FGD3: variants seen among roughly 807,000 people sequenced by gnomAD.
FGD3 encodes the protein FYVE, RhoGEF and PH domain-containing protein 3.
In FGD3, 45 loss-of-function variants were observed where a neutral mutation model predicts 71.8. The ratio of observed to expected loss-of-function variants is 0.63; its 90% CI spans 0.49 to 0.80. FGD3 has a LOEUF of 0.80. FGD3 is among the 30% of genes least tolerant of loss of function. The pLI is 0.00. For missense variants in FGD3, 844 were observed against 951.5 expected (o/e 0.89, Z 1.49); for synonymous variants, 378 against 392.8 (o/e 0.96, Z 0.44).
chr9:93,023,262 G>A (rs1269086027), intron 14 of FGD3, among the ~76,000 whole-genome samples: 1 of 152,142 alleles, frequency 6.6e-6, no homozygotes, highest in Non-Finnish European at 1.5e-5. Flanking sequence ...CTGGCCGCTG[G>A]CTGCCCCCTC....
intron 6 of FGD3, among the ~76,000 whole-genome samples, chr9:93,009,031 G>T (rs1427080720): frequency 6.6e-6 from 1 of 151,670 alleles, no homozygotes; most frequent in Non-Finnish European, 1.5e-5. Flanking sequence ...TTGGGAGACC[G>T]AGGTAGGCAG....
rs1182543561 is a variant in FGD3, at chr9:92,947,610, C to G, written c.-337C>G. ...GCCTCCTGCTGCCCACTGTGAGCGA[C>G]CTCCCCGGGGCTCCTCTGGAAGCGG... On this transcript the variant is annotated 5_prime_UTR_variant, in exon 1 of 18. Transcript: ENST00000375482. The G allele has an allele frequency of 6.6e-6, 1 of 152,520 alleles. No homozygotes were observed. Among genetic ancestry groups the G allele is most frequent in the Non-Finnish European group, 1.5e-5 (1 of 68,290 alleles). 9.4% of individuals were successfully genotyped at this position (152,520 alleles called of 1,614,324 possible).
At chr9:93,030,117 C>T (rs1862300042) in intron 15 of FGD3, 121 bp downstream of exon 15, 2 of 1,170,524 alleles carry the variant, frequency 1.7e-6, no homozygotes, top group South Asian at 1.5e-5. Context: ...GGAAGGGCTT[C>T]CTGATCCTGG....
chr9:92,980,168 G>A (rs1859934132), intron 3 of FGD3, among the ~76,000 whole-genome samples: 2 of 151,930 alleles, frequency 1.3e-5, no homozygotes, highest in Admixed American at 1.3e-4. Flanking sequence ...CTACAGGCGT[G>A]TGCCACCACG....
chr9:93,020,379 C>A lies in FGD3; in HGVS notation c.1449C>A (p.Gly483=), dbSNP rs775547146. ...QNSETFKAFG[G]AFSQDEDPSL... is the part of the protein sequence containing the mutation. ...GCGAAACCTTCAAGGCTTTTGGTGG[C>A]GCCTTCAGCCAGGATGAGGACCCCA... Residue 483 remains glycine, a synonymous_variant, in exon 13 of 18, where the codon GGC becomes GGA. Coordinates refer to ENST00000375482, the MANE Select transcript of FGD3 (RefSeq NM_001083536.2). The A allele has an allele frequency of 6.2e-7, 1 of 1,613,630 alleles. No homozygotes were observed. The highest frequency in any genetic ancestry group is 2.2e-5 in the East Asian group (1 of 44,844).
At position 92,976,349 on chromosome 9, in the gene FGD3, G is replaced by A; in HGVS notation, c.93G>A (p.Lys31=). ...GGCCTGGCAGTTCCTCCCTAGGGAA[G>A]CTTCAGGCGCTCCCTGTTGGGCCCA... ...DTGPGSSSLG[K]LQALPVGPRA... The change falls in exon 3 of 18, where the codon AAG becomes AAA. Residue 31 remains lysine, a synonymous_variant. Coordinates refer to ENST00000375482, the MANE Select transcript of FGD3 (RefSeq NM_001083536.2). 1 of 1,610,794 alleles carries A rather than the reference G, an allele frequency of 6.2e-7. No homozygotes were observed. Among genetic ancestry groups the A allele is most frequent in the Non-Finnish European group, 8.5e-7 (1 of 1,179,166 alleles).
intron 1 of FGD3, among the ~76,000 whole-genome samples, chr9:92,952,472 C>T (rs991292270): frequency 1.4e-4 from 22 of 152,030 alleles, no homozygotes; most frequent in East Asian, 5.8e-4. Context: ...CTCCTGACCT[C>T]GTGATCCGCC....
rs759012452 is a variant in FGD3, at chr9:93,006,102, C to A, written c.759C>A (p.Asn253Lys). 1 of 1,613,424 alleles carries A rather than the reference C, an allele frequency of 6.2e-7. No homozygotes were observed. Among genetic ancestry groups the A allele is most frequent in the South Asian group, 1.1e-5 (1 of 90,916 alleles). Residue 253 changes from asparagine to lysine, a missense_variant, in exon 6 of 18, where the codon AAC (asparagine) becomes AAA (lysine). Coordinates refer to ENST00000375482, the MANE Select transcript of FGD3 (RefSeq NM_001083536.2). ...FLKMYGEYVK[N>K]FDRAVGLVST... ...AGATGTACGGCGAGTATGTCAAGAA[C>A]TTTGACCGAGCCGTAGGGCTGGTGA...
At chr9:93,028,220 A>ACACACG (rs142919647) in intron 14 of FGD3, among the ~76,000 whole-genome samples, 16 of 139,112 alleles carry the variant, frequency 1.2e-4, no homozygotes, top group South Asian at 6.5e-4. Flanking sequence ...ACACACACGC[A>ACACACG]CACACACACA....
At chr9:93,030,604 A>C (rs894328347) in intron 15 of FGD3, among the ~76,000 whole-genome samples, 1 of 151,984 alleles carries the variant, frequency 6.6e-6, no homozygotes, top group South Asian at 2.1e-4. Flanking sequence ...CTGTGTTAGC[A>C]ACTGGATCTC....
intron 16 of FGD3, chr9:93,034,136 C>CTGTGTGTGTGGTGTG (rs1321930537): frequency 2.5e-5 from 4 of 159,196 alleles, no homozygotes; most frequent in African/African-American, 9.6e-5. Flanking sequence ...GAGGGAGGGC[C>CTGTGTGTGTGGTGTG]TGTGTGTGTG....
chr9:92,965,125 A>G (rs1426503310), intron 1 of FGD3, among the ~76,000 whole-genome samples: 2 of 152,170 alleles, frequency 1.3e-5, no homozygotes, highest in African/African-American at 4.8e-5. Flanking sequence ...ACCCGATGCC[A>G]CCGTGATTGT....
intron 3 of FGD3, among the ~76,000 whole-genome samples, chr9:92,981,538 TTGTC>T (rs1859999842): frequency 6.6e-6 from 1 of 152,156 alleles, no homozygotes; most frequent in Non-Finnish European, 1.5e-5. Flanking sequence ...TGTTCTGTAA[TTGTC>T]TGTTTGGTTC....
At chr9:93,020,093 G>A (rs1254042624) in intron 12 of FGD3, among the ~76,000 whole-genome samples, 1 of 152,196 alleles carries the variant, frequency 6.6e-6, no homozygotes, top group Non-Finnish European at 1.5e-5. Flanking sequence ...CGGGCCTGGT[G>A]GAGTCACAGG....
chr9:92,976,791 C>A, intron 3 of FGD3, 82 bp downstream of exon 3: 2 of 1,371,880 alleles, frequency 1.5e-6, no homozygotes, highest in East Asian at 2.5e-5. Flanking sequence ...GGGCGTCATC[C>A]CACACCTTGT....
rs1356550189 is a variant in FGD3, at chr9:93,003,849, A to C, written c.544-152A>C. 6.4e-6 allele frequency: 6 copies of C among 939,070 alleles called. No homozygotes were observed. In the East Asian group the frequency reaches 1.5e-4, roughly 23 times the overall value. The allele number at this position is 939,070 out of a possible 1,614,324, so 58.2% of individuals were successfully genotyped here. A position where few individuals can be genotyped will look rare whatever the true frequency, so the allele number is the denominator to read the frequency against. On this transcript the variant is annotated intron_variant, in intron 4 of 17. Transcript: ENST00000375482. This position sits in a 1 kb window ranked among gnomAD's most constrained non-coding sequence, Gnocchi z 4.1. ...GAGGTTGTCTGAACCAGTTGGATGA[A>C]AAGGGAGGACAATAATTCTGAAATT...
chr9:93,018,113 G>A, intron 10 of FGD3, 23 bp from the exon 11 acceptor site: 1 of 1,612,012 alleles, frequency 6.2e-7, no homozygotes, highest in East Asian at 2.2e-5. Context: ...GGTTTGCTTT[G>A]TTCTTTGTTC....
chr9:92,993,673 T>G (rs1192129586), intron 3 of FGD3, among the ~76,000 whole-genome samples: 1 of 152,158 alleles, frequency 6.6e-6, no homozygotes, highest in Non-Finnish European at 1.5e-5. Context: ...TGTCCAAGTG[T>G]TCTCATTGTT....
chr9:93,014,259 G>A (rs1861566650), intron 9 of FGD3, among the ~76,000 whole-genome samples: 1 of 151,972 alleles, frequency 6.6e-6, no homozygotes, highest in Admixed American at 6.6e-5. Context: ...ATCCCTCGTA[G>A]CCCATACCTC....
Sources: gnomAD v4.1 joint callset for allele counts (sites outside exome capture counted in the v4.1 genomes callset) on GRCh38, gnomAD v4.1.1 for gene constraint, Gnocchi (gnomAD v3.1) non-coding constraint, MANE v1.5 for transcripts, NCBI Gene and HGNC (gene_info 2026-07-23, HGNC 2026-07-21) for gene names.